The following TBC1D14 variants were observed in gnomAD, a reference collection of about 807,000 sequenced individuals.
The protein encoded by TBC1D14 is TBC1 domain family, member 14.
A neutral mutation model predicts 79.0 loss-of-function variants in TBC1D14; 26 were observed. The observed-to-expected ratio is 0.33, with a 90% CI of 0.24 to 0.46. TBC1D14 has a LOEUF of 0.46. Ranked by LOEUF, TBC1D14 falls within the 20% of genes least tolerant of loss-of-function variation. The pLI is 1.00. For synonymous variants in TBC1D14, 394 were observed against 349.9 expected, an observed-to-expected ratio of 1.13 and a Z score of -1.40; for missense variants, 769 against 887.6, an observed-to-expected ratio of 0.87 and a Z score of 1.70.
chr4:6,992,262 C>A (rs1330937763), intron 3 of TBC1D14, among the ~76,000 whole-genome samples: 1 of 152,256 alleles, frequency 6.6e-6, no homozygotes, highest in Non-Finnish European at 1.5e-5. Flanking sequence ...AGCTATCTGG[C>A]TGCAGAGGCC....
In TBC1D14 at chr4:7,030,171, G is replaced by A. The variant is rs939003386; in HGVS notation, c.2017-156G>A. 3.9e-5 allele frequency among the ~76,000 whole-genome samples: 6 copies of A among 152,330 alleles called. No homozygotes were observed. The South Asian group carries it at 8.3e-4, about 21-fold the overall frequency. On this transcript the variant is annotated intron_variant, in intron 13 of 13. Transcript: ENST00000409757. ...CAGGTGTCCATGTTGGAAAGACCAC[G>A]AAGGACGTAGGAGTGGAAGACCCTG...
At chr4:7,001,554 C>G (rs1719675186) in intron 7 of TBC1D14, 4 of 314,788 alleles carry the variant, frequency 1.3e-5, no homozygotes, top group Admixed American at 4.6e-5. Context: ...CAAGCCTTGC[C>G]TGCGACGTGA....
intron 7 of TBC1D14, among the ~76,000 whole-genome samples, chr4:7,002,052 G>A (rs974399447): frequency 1.3e-5 from 2 of 152,014 alleles, no homozygotes; most frequent in Non-Finnish European, 1.5e-5. Flanking sequence ...TTGTATCTTC[G>A]CTCTCTAGTT....
At chr4:7,012,830 C>A (rs1434827660) in intron 11 of TBC1D14, among the ~76,000 whole-genome samples, 2 of 152,276 alleles carry the variant, frequency 1.3e-5, no homozygotes, top group African/African-American at 2.4e-5. Context: ...ACTTACCTTT[C>A]CAAGAAAAGT....
chr4:6,933,691 C>T (rs1712009601), intron 2 of TBC1D14, among the ~76,000 whole-genome samples: 1 of 152,014 alleles, frequency 6.6e-6, no homozygotes, highest in Non-Finnish European at 1.5e-5. Flanking sequence ...TAGTTTATGC[C>T]TGTGTTCAAA....
chr4:7,028,334 AC>A (rs1722677668), intron 13 of TBC1D14, among the ~76,000 whole-genome samples: 1 of 151,914 alleles, frequency 6.6e-6, no homozygotes. Context: ...AGATTATTTG[AC>A]CGTAGGACAT....
chr4:7,001,879 G>C (rs1045452763), intron 7 of TBC1D14, among the ~76,000 whole-genome samples: 1 of 152,176 alleles, frequency 6.6e-6, no homozygotes, highest in African/African-American at 2.4e-5. Flanking sequence ...CAAATTAAGT[G>C]ATTAATACTG....
intron 2 of TBC1D14, among the ~76,000 whole-genome samples, chr4:6,940,845 T>TA (rs1008789433): frequency 3.3e-5 from 5 of 152,162 alleles, no homozygotes; most frequent in African/African-American, 1.2e-4. Context: ...AAGTGCCTGT[T>TA]ACAGCAGTCC....
intron 6 of TBC1D14, among the ~76,000 whole-genome samples, chr4:7,000,547 G>A (rs1421765085): frequency 3.3e-5 from 5 of 152,246 alleles, no homozygotes; most frequent in Non-Finnish European, 7.3e-5. Flanking sequence ...ACGGGGGCCT[G>A]GTTTGCCCAG....
At chr4:6,985,715 T>A (rs78088925) in intron 3 of TBC1D14, among the ~76,000 whole-genome samples, 2 of 152,100 alleles carry the variant, frequency 1.3e-5, no homozygotes, top group South Asian at 4.1e-4. Flanking sequence ...TCCTAGATAA[T>A]TAATCTTTAG....
intron 3 of TBC1D14, among the ~76,000 whole-genome samples, chr4:6,972,975 T>C (rs1716350901): frequency 1.3e-5 from 2 of 152,160 alleles, no homozygotes; most frequent in Admixed American, 1.3e-4. Context: ...ACATAGGCTG[T>C]AGGGATTGAC....
At chr4:7,003,793 G>C (rs1300325050) in intron 7 of TBC1D14, among the ~76,000 whole-genome samples, 1 of 151,956 alleles carries the variant, frequency 6.6e-6, no homozygotes, top group Admixed American at 6.6e-5. Flanking sequence ...CCTGAGGTCA[G>C]GAGTTTGAGA....
chr4:6,959,624 C>T (rs147776502), intron 2 of TBC1D14, among the ~76,000 whole-genome samples: 1 of 152,172 alleles, frequency 6.6e-6, no homozygotes, highest in Non-Finnish European at 1.5e-5. Context: ...TCCATGCAGC[C>T]CCTTCTCTGG....
chr4:6,937,832 C>T (rs1712487426), intron 2 of TBC1D14, among the ~76,000 whole-genome samples: 1 of 152,054 alleles, frequency 6.6e-6, no homozygotes, highest in African/African-American at 2.4e-5. Flanking sequence ...ACCCTGAAGC[C>T]TGGAGGGTAG....
intron 3 of TBC1D14, among the ~76,000 whole-genome samples, chr4:6,990,391 G>A (rs1359063477): frequency 6.6e-6 from 1 of 152,250 alleles, no homozygotes; most frequent in Non-Finnish European, 1.5e-5. Flanking sequence ...AGAGGTTGCA[G>A]TGAGCCAAGG....
intron 5 of TBC1D14, 116 bp from the exon 6 acceptor site, chr4:6,998,969 G>C: frequency 1.1e-6 from 1 of 872,430 alleles, no homozygotes; most frequent in East Asian, 2.6e-5. Flanking sequence ...GCTGATGCTC[G>C]CTCTGCTTCA....
chr4:6,913,763 G>T (rs1432151850), intron 1 of TBC1D14, among the ~76,000 whole-genome samples: 2 of 152,148 alleles, frequency 1.3e-5, no homozygotes, highest in Non-Finnish European at 2.9e-5. Context: ...AGCTACTTAG[G>T]AAAATTAGTT....
chr4:7,001,560 C>T (rs527287146), intron 7 of TBC1D14: 8 of 285,304 alleles, frequency 2.8e-5, no homozygotes, highest in Non-Finnish European at 4.7e-5. Context: ...TTGCCTGCGA[C>T]GTGAGTGTGG....
At chr4:6,955,490 C>G (rs918320395) in intron 2 of TBC1D14, among the ~76,000 whole-genome samples, 1 of 152,136 alleles carries the variant, frequency 6.6e-6, no homozygotes. Context: ...GTGCCCTGCA[C>G]CAGGTAACTA....
Sources: gnomAD v4.1 joint callset for allele counts (sites outside exome capture counted in the v4.1 genomes callset) on GRCh38, gnomAD v4.1.1 for gene constraint, MANE v1.5 for transcripts, NCBI Gene and HGNC (gene_info 2026-07-23, HGNC 2026-07-21) for gene names.